HMGN5: variants seen among roughly 807,000 people sequenced by gnomAD.
HMGN5 encodes the protein high mobility group nucleosome-binding domain-containing protein 5.
HMGN5 carries 4 observed loss-of-function variants against 9.5 expected under a neutral mutation model. The observed-to-expected ratio is 0.42, with a 90% confidence interval of 0.21 to 0.96. The LOEUF is 0.96. Among genes scored for constraint, HMGN5 ranks in the 40% least tolerant of loss-of-function variants. The pLI, the probability that HMGN5 is intolerant of heterozygous loss-of-function variation, is 0.30. For missense variants in HMGN5, 192 were observed against 187.5 expected (o/e 1.02, Z -0.14); for synonymous variants, 55 against 57.1 (o/e 0.96, Z 0.16).
intron 5 of HMGN5, among the ~76,000 whole-genome samples, chrX:81,117,971 G>A (rs1602554799): frequency 9.1e-6 from 1 of 109,743 alleles, no homozygotes; most frequent in African/African-American, 3.3e-5. Context: ...AAAATCAATT[G>A]TGTCCATTTA....
intron 1 of HMGN5, among the ~76,000 whole-genome samples, chrX:81,142,010 G>A (rs2075331262): frequency 8.9e-6 from 1 of 112,068 alleles, no homozygotes; most frequent in Non-Finnish European, 1.9e-5. Flanking sequence ...ACAGACTGAA[G>A]TAATTAAAAG....
intron 1 of HMGN5, among the ~76,000 whole-genome samples, chrX:81,140,739 G>A (rs1361550719): frequency 9.0e-6 from 1 of 110,755 alleles, no homozygotes. Context: ...ACCAGCTCTG[G>A]TGGATACAGT....
chrX:81,123,391 G>A (rs972630250), intron 1 of HMGN5, among the ~76,000 whole-genome samples: 34 of 111,060 alleles, frequency 3.1e-4, no homozygotes, highest in African/African-American at 1.0e-3. Flanking sequence ...TGCTTCCTTC[G>A]TCCACAGTTA....
intron 1 of HMGN5, among the ~76,000 whole-genome samples, chrX:81,174,223 A>C (rs1221539525): frequency 9.0e-6 from 1 of 111,220 alleles, no homozygotes; most frequent in East Asian, 2.8e-4. Context: ...AAATCTGTTA[A>C]GCTGTTTTTA....
At chrX:81,151,154 C>CA (rs754672891) in intron 1 of HMGN5, among the ~76,000 whole-genome samples, 11 of 111,169 alleles carry the variant, frequency 9.9e-5, no homozygotes, top group South Asian at 3.7e-4. Context: ...AAAGTCACAT[C>CA]AAAAAAAAGA....
intron 1 of HMGN5, among the ~76,000 whole-genome samples, chrX:81,178,215 A>G (rs899687990): frequency 1.8e-5 from 2 of 111,740 alleles, no homozygotes; most frequent in East Asian, 2.8e-4. Context: ...AACTAAGATC[A>G]GAGCAGAATG....
In HMGN5 at chrX:81,114,962, C is replaced by A. The variant is rs931391491; in HGVS notation, c.536G>T (p.Gly179Val). 5 of 1,155,845 alleles carry A rather than the reference C, an allele frequency of 4.3e-6. No individual in the cohort carries two copies. The highest frequency in any genetic ancestry group is 5.7e-6 in the Non-Finnish European group (5 of 870,031). Reference sequence around the variant, plus strand: ...TTCTCCATTTCCTTTTCCGTCTTCACCTTTTTTTCCATCTTCTTTCTCTTT... The same window carrying A: ...TTCTCCATTTCCTTTTCCGTCTTCAACTTTTTTTCCATCTTCTTTCTCTTT... ...DAKEKEDGKK[G>V]EDGKGNGEDG... The change falls in exon 7 of 7, where the codon GGT becomes GTT. Residue 179 changes from glycine (G) to valine (V), a missense_variant. Gly to Val is a moderately radical substitution (Grantham distance 109). Transcript: ENST00000358130.
At chrX:81,173,006 C>T (rs895874331) in intron 1 of HMGN5, among the ~76,000 whole-genome samples, 1 of 111,012 alleles carries the variant, frequency 9.0e-6, no homozygotes, top group African/African-American at 3.3e-5. Context: ...TGAATTTGTT[C>T]GAGTCAACAA....
At chrX:81,115,928 T>C (rs2075251853) in intron 6 of HMGN5, among the ~76,000 whole-genome samples, 1 of 112,110 alleles carries the variant, frequency 8.9e-6, no homozygotes, top group Admixed American at 9.5e-5. Context: ...AAAGATTGGC[T>C]TGTATTTAAT....
intron 1 of HMGN5, among the ~76,000 whole-genome samples, chrX:81,163,246 C>T (rs1434346121): frequency 8.9e-6 from 1 of 112,157 alleles, no homozygotes; most frequent in Non-Finnish European, 1.9e-5. Flanking sequence ...CAATATTAGC[C>T]TTCAGACTTT....
At chrX:81,155,780 G>A (rs915024596) in intron 1 of HMGN5, among the ~76,000 whole-genome samples, 2 of 111,963 alleles carry the variant, frequency 1.8e-5, no homozygotes, top group Non-Finnish European at 3.8e-5. Context: ...GGGGGCAGTA[G>A]TTAGAAAAAC....
At chrX:81,134,407 A>C (rs1395714312) in intron 1 of HMGN5, among the ~76,000 whole-genome samples, 1 of 111,558 alleles carries the variant, frequency 9.0e-6, no homozygotes, top group Admixed American at 9.6e-5. Flanking sequence ...TTATTTCATT[A>C]ATAAGCTTTA....
chrX:81,175,641 T>C lies in HMGN5; in HGVS notation c.-124+26096A>G, dbSNP rs185375316. Reference sequence around the variant, plus strand: ...ATATCCCAGAGGCTCCTCAGCCGCATGCCAAGCAGTCAATCGCCTTAGCTC... The same window carrying C: ...ATATCCCAGAGGCTCCTCAGCCGCACGCCAAGCAGTCAATCGCCTTAGCTC... On this transcript the variant is annotated intron_variant, in intron 1 of 6. Coordinates refer to ENST00000358130, the MANE Select transcript of HMGN5 (RefSeq NM_030763.3). 3.2e-3 allele frequency among the ~76,000 whole-genome samples: 352 copies of C among 111,005 alleles called. 2 individuals are homozygous for C. Among genetic ancestry groups the C allele is most frequent in the African/African-American group, 0.011 (336 of 30,582 alleles).
intron 1 of HMGN5, among the ~76,000 whole-genome samples, chrX:81,182,319 T>C (rs1000341392): frequency 8.9e-6 from 1 of 112,191 alleles, no homozygotes; most frequent in African/African-American, 3.2e-5. Context: ...ACAGAACTGT[T>C]TGAGCTCCTT....
At chrX:81,163,376 G>A (rs1022174504) in intron 1 of HMGN5, among the ~76,000 whole-genome samples, 1 of 112,142 alleles carries the variant, frequency 8.9e-6, no homozygotes, top group Non-Finnish European at 1.9e-5. Context: ...ATTGTTGTAT[G>A]CCACTAAGTT....
At chrX:81,128,161 C>T (rs2075289709) in intron 1 of HMGN5, among the ~76,000 whole-genome samples, 2 of 110,236 alleles carry the variant, frequency 1.8e-5, no homozygotes, top group Admixed American at 9.8e-5. Flanking sequence ...TATTTCTATC[C>T]GTTTTTTATT....
rs2075528290 is a variant in HMGN5, at chrX:81,201,899, G to T, written c.-286C>A. On this transcript the variant is annotated 5_prime_UTR_variant, in exon 1 of 7. Coordinates refer to ENST00000358130, the MANE Select transcript of HMGN5 (RefSeq NM_030763.3). Reference sequence around the variant, plus strand: ...TCTCCTCGCCCTCTTCTCAGGGAAGGAATCGTCAAAAATCAATGTTTCAAC... The same window carrying T: ...TCTCCTCGCCCTCTTCTCAGGGAAGTAATCGTCAAAAATCAATGTTTCAAC... 2 of 312,227 alleles carry T rather than the reference G, an allele frequency of 6.4e-6. No individual in the cohort carries two copies. The highest frequency in any genetic ancestry group is 1.1e-5 in the Non-Finnish European group (2 of 180,885). The allele number at this position is 312,227 out of a possible 1,213,427, so 25.7% of individuals were successfully genotyped here. A position where few individuals can be genotyped will look rare whatever the true frequency, so the allele number is the denominator to read the frequency against.
At chrX:81,125,897 C>T (rs2075282033) in intron 1 of HMGN5, among the ~76,000 whole-genome samples, 1 of 111,005 alleles carries the variant, frequency 9.0e-6, no homozygotes, top group African/African-American at 3.3e-5. Context: ...TCTGTAATCC[C>T]AGCTCTTTGG....
At chrX:81,184,558 ATT>A (rs200858929) in intron 1 of HMGN5, among the ~76,000 whole-genome samples, 2,105 of 100,973 alleles carry the variant, frequency 0.021, 47 homozygotes, top group African/African-American at 0.07. Context: ...CATTTTATTG[ATT>A]TTTTTTTTTT....
Sources: gnomAD v4.1 joint callset for allele counts (sites outside exome capture counted in the v4.1 genomes callset) on GRCh38, gnomAD v4.1.1 for gene constraint, MANE v1.5 for transcripts, NCBI Gene and HGNC (gene_info 2026-07-23, HGNC 2026-07-21) for gene names.